Variants in XNDC1N observed in about 807,000 individuals in gnomAD.
The protein encoded by XNDC1N is XRCC1 N-terminal domain containing 1, N-terminal like.
At chr11:71,913,069 G>A in the XNDC1N span, among the ~76,000 whole-genome samples, 1 of 152,034 alleles carries the variant, frequency 6.6e-6, no homozygotes, top group African/African-American at 2.4e-5. Context: ...CTCTCTCCCA[G>A]GGTATTCAGA....
the XNDC1N span, chr11:71,904,099 C>T: frequency 4.1e-5 from 21 of 516,142 alleles, no homozygotes; most frequent in Non-Finnish European, 5.8e-5. Context: ...TGTCCTGCGG[C>T]GGCCGCACAG....
At chr11:71,884,333 A>T in the XNDC1N span, 4 of 1,392,258 alleles carry the variant, frequency 2.9e-6, no homozygotes, top group African/African-American at 5.9e-5. Context: ...TTAATTTATT[A>T]TAAAACATTT....
the XNDC1N span, among the ~76,000 whole-genome samples, chr11:71,895,991 A>G: frequency 3.9e-5 from 6 of 152,132 alleles, no homozygotes; most frequent in Non-Finnish European, 7.4e-5. Context: ...AAAAAAGGAA[A>G]CCATGGCCAG....
At chr11:71,914,410 G>A in the XNDC1N span, 11 of 455,992 alleles carry the variant, frequency 2.4e-5, no homozygotes, top group South Asian at 1.7e-4. Flanking sequence ...AACTTGGCCA[G>A]GCATGGTGGC....
chr11:71,898,625 T>C, the XNDC1N span, among the ~76,000 whole-genome samples: 40 of 152,212 alleles, frequency 2.6e-4, no homozygotes, highest in African/African-American at 8.7e-4. Flanking sequence ...AACAATTAAA[T>C]ACAGTATGAT....
At chr11:71,902,600 A>G in the XNDC1N span, among the ~76,000 whole-genome samples, 1 of 152,264 alleles carries the variant, frequency 6.6e-6, no homozygotes, top group African/African-American at 2.4e-5. Context: ...ACTCTCTCGA[A>G]GGAGAAAAGT....
the XNDC1N span, chr11:71,903,892 G>A: frequency 1.0e-5 from 4 of 400,976 alleles, no homozygotes; most frequent in Admixed American, 1.2e-4. Context: ...CATCAGGTGG[G>A]AAGTATAAAC....
At chr11:71,920,221 G>A in the XNDC1N span, among the ~76,000 whole-genome samples, 1 of 151,990 alleles carries the variant, frequency 6.6e-6, no homozygotes, top group African/African-American at 2.4e-5. Flanking sequence ...GCCTCCCAAA[G>A]AGCTGGGATT....
the XNDC1N span, chr11:71,918,799 T>G: frequency 7.5e-6 from 5 of 662,402 alleles, no homozygotes; most frequent in Non-Finnish European, 1.4e-5. Context: ...TCAGCCAGAA[T>G]GAACTGAGAC....
At chr11:71,928,542 T>A in the XNDC1N span, 1 of 702,452 alleles carries the variant, frequency 1.4e-6, no homozygotes, top group South Asian at 1.5e-5. Context: ...TGAAAATGAG[T>A]CCTACCGAGG....
the XNDC1N span, among the ~76,000 whole-genome samples, chr11:71,898,194 A>C: frequency 3.3e-5 from 5 of 151,616 alleles, no homozygotes; most frequent in Admixed American, 6.6e-5. Context: ...AACGCAAAGC[A>C]AAACAAAATA....
At chr11:71,892,473 G>C in the XNDC1N span, among the ~76,000 whole-genome samples, 53 of 152,146 alleles carry the variant, frequency 3.5e-4, no homozygotes, top group Non-Finnish European at 1.2e-4. Context: ...ACAGGGTGTA[G>C]AGCCACCATG....
chr11:71,913,515 C>A, the XNDC1N span, among the ~76,000 whole-genome samples: 1 of 151,704 alleles, frequency 6.6e-6, no homozygotes, highest in South Asian at 2.1e-4. Context: ...AAAAATTAGC[C>A]GGGTGTGGTG....
At chr11:71,914,396 T>C in the XNDC1N span, 7 of 455,880 alleles carry the variant, frequency 1.5e-5, no homozygotes, top group Non-Finnish European at 2.6e-5. Flanking sequence ...AGAAATAGTA[T>C]GAGAACTTGG....
At chr11:71,909,941 T>G in the XNDC1N span, among the ~76,000 whole-genome samples, 12 of 151,882 alleles carry the variant, frequency 7.9e-5, no homozygotes, top group Non-Finnish European at 1.5e-4. Flanking sequence ...AGACTTTTCT[T>G]AACTGAGCCG....
At chr11:71,912,940 TG>T in the XNDC1N span, among the ~76,000 whole-genome samples, 1 of 152,040 alleles carries the variant, frequency 6.6e-6, no homozygotes. Context: ...ACATCACAAG[TG>T]GGGTGTACTG....
the XNDC1N span, among the ~76,000 whole-genome samples, chr11:71,901,373 C>T: frequency 1.3e-5 from 2 of 151,964 alleles, no homozygotes; most frequent in East Asian, 3.9e-4. Context: ...CTGAGGCAGG[C>T]GAATCACAAG....
chr11:71,865,771 G>GT, the XNDC1N span: 42,254 of 342,408 alleles, frequency 0.12, 53 homozygotes, highest in South Asian at 0.17. Flanking sequence ...GAGAAGAACA[G>GT]TTTTTTTTTT....
At chr11:71,896,619 C>T in the XNDC1N span, among the ~76,000 whole-genome samples, 1 of 152,114 alleles carries the variant, frequency 6.6e-6, no homozygotes, top group African/African-American at 2.4e-5. Flanking sequence ...GCTGGAGTGT[C>T]ATGGTGCAAT....
Sources: allele counts gnomAD v4.1 joint callset (sites outside exome capture counted in the v4.1 genomes callset), GRCh38; gene constraint gnomAD v4.1.1; transcripts MANE v1.5; gene names NCBI Gene and HGNC (gene_info 2026-07-23, HGNC 2026-07-21).